MAD1L1: variants seen among roughly 807,000 people sequenced by gnomAD.
MAD1L1 encodes mitotic spindle assembly checkpoint protein MAD1.
Under a neutral mutation model 96.9 loss-of-function variants are expected in MAD1L1, and 95 were observed. That is an observed-to-expected ratio of 0.98 (90% CI 0.83 to 1.16). MAD1L1 has a LOEUF of 1.16. MAD1L1 is among the 50% of genes most tolerant of loss of function. The probability of loss-of-function intolerance (pLI) is 0.00; values close to 1 mark genes in which losing one functional copy is unlikely to be tolerated. For synonymous variants in MAD1L1, 473 were observed against 396.6 expected, an observed-to-expected ratio of 1.19 and a Z score of -2.29; for missense variants, 1,007 against 954.4, an observed-to-expected ratio of 1.06 and a Z score of -0.73.
intron 11 of MAD1L1, among the ~76,000 whole-genome samples, chr7:2,075,438 G>A (rs1189133655): frequency 3.3e-5 from 5 of 152,150 alleles, no homozygotes; most frequent in African/African-American, 9.7e-5. Context: ...GTTCAATCCC[G>A]GCCTTTCTTC....
In MAD1L1 at chr7:1,939,819, C is replaced by G. The variant is rs529311124; in HGVS notation, c.1597-2922G>C. Among the ~76,000 whole-genome samples the G allele has an allele frequency of 2.4e-4, 36 of 148,606 alleles. No individual in the cohort carries two copies. The South Asian group carries it at 7.6e-3, about 32-fold the overall frequency. ...TGCTGTGGGCCACTGCTCTCCAAGT[C>G]CCCGAAGGACGGCGAGGCCTGGCTT... On this transcript the variant is annotated intron_variant, in intron 16 of 18. Transcript: ENST00000265854.
At chr7:1,825,395 G>A (rs1229558094) in intron 18 of MAD1L1, among the ~76,000 whole-genome samples, 3 of 152,246 alleles carry the variant, frequency 2.0e-5, no homozygotes, top group South Asian at 2.1e-4. Context: ...CTTGGCTGGT[G>A]GCACCACAGA....
chr7:2,144,715 G>C (rs1272332097), intron 11 of MAD1L1, among the ~76,000 whole-genome samples: 2 of 151,986 alleles, frequency 1.3e-5, no homozygotes, highest in African/African-American at 4.8e-5. Flanking sequence ...GCAGCCCCGG[G>C]GTGCCCTGTG....
intron 18 of MAD1L1, among the ~76,000 whole-genome samples, chr7:1,881,966 G>A (rs1286549741): frequency 1.3e-5 from 2 of 152,198 alleles, no homozygotes; most frequent in Non-Finnish European, 2.9e-5. Flanking sequence ...TGAGCCACAG[G>A]CTTGCCCGTG....
intron 11 of MAD1L1, among the ~76,000 whole-genome samples, chr7:2,071,132 G>T (rs553281832): frequency 2.0e-5 from 3 of 151,840 alleles, no homozygotes; most frequent in African/African-American, 7.2e-5. Context: ...CGGGGCTGGG[G>T]GGATGGCACT....
intron 16 of MAD1L1, among the ~76,000 whole-genome samples, chr7:1,955,343 T>G (rs1779679850): frequency 1.3e-5 from 2 of 152,126 alleles, no homozygotes; most frequent in African/African-American, 2.4e-5. Flanking sequence ...CAGGCTGGAG[T>G]GCAGTGGCGT....
At chr7:2,038,598 C>T (rs1184735447) in intron 12 of MAD1L1, among the ~76,000 whole-genome samples, 11 of 149,062 alleles carry the variant, frequency 7.4e-5, no homozygotes, top group African/African-American at 2.7e-4. Flanking sequence ...CTGCAACCTC[C>T]GCCTTCTGGG....
At chr7:2,197,905 GC>G (rs1419043349) in intron 10 of MAD1L1, among the ~76,000 whole-genome samples, 1 of 151,472 alleles carries the variant, frequency 6.6e-6, no homozygotes, top group Non-Finnish European at 1.5e-5. Context: ...CCGGGTCCCA[GC>G]CCCCAGGTCC....
At chr7:2,149,310 G>C in intron 10 of MAD1L1, 72 bp from the exon 11 acceptor site, 1 of 1,293,696 alleles carries the variant, frequency 7.7e-7, no homozygotes, top group Non-Finnish European at 1.1e-6. Flanking sequence ...ACACAAAACA[G>C]AAGGCCAAAA....
Position 1,834,771 on chromosome 7 carries a change from G to A in MAD1L1, c.1999-18543C>T, listed in dbSNP as rs563876428. Among the ~76,000 whole-genome samples the A allele has an allele frequency of 1.2e-3, 181 of 152,074 alleles. 2 individuals carry two copies. The highest frequency in any genetic ancestry group is 4.0e-3 in the African/African-American group (167 of 41,466). Reference sequence around the variant, plus strand: ...CAAGAATTCTACATGAACTCTTTAAGAAAACTGAAGAGGAGGAATGCTTTC... The same window carrying A: ...CAAGAATTCTACATGAACTCTTTAAAAAAACTGAAGAGGAGGAATGCTTTC... On this transcript the variant is annotated intron_variant, in intron 18 of 18. Coordinates refer to ENST00000265854, the MANE Select transcript of MAD1L1 (RefSeq NM_001013836.2).
intron 12 of MAD1L1, among the ~76,000 whole-genome samples, chr7:2,036,507 C>T (rs888645140): frequency 6.6e-6 from 1 of 152,180 alleles, no homozygotes; most frequent in Non-Finnish European, 1.5e-5. Context: ...TCCATCCGGT[C>T]GTGAGTTTGG....
intron 18 of MAD1L1, chr7:1,847,803 C>T (rs1344313910): frequency 9.5e-6 from 4 of 422,892 alleles, no homozygotes; most frequent in Admixed American, 7.5e-5. Context: ...CTGCCTAGCA[C>T]CCCTTGGCCG....
At chr7:2,176,671 G>GAA (rs1790962177) in intron 10 of MAD1L1, among the ~76,000 whole-genome samples, 1 of 151,502 alleles carries the variant, frequency 6.6e-6, no homozygotes, top group South Asian at 2.1e-4. Flanking sequence ...CTATACACGA[G>GAA]AATCCAGCAA....
intron 18 of MAD1L1, among the ~76,000 whole-genome samples, chr7:1,842,343 C>A (rs951059508): frequency 4.6e-5 from 7 of 152,252 alleles, no homozygotes; most frequent in Non-Finnish European, 1.0e-4. Flanking sequence ...CCCAGCAGCT[C>A]CCTGCGGCTC....
At chr7:2,155,989 C>T (rs1789814709) in intron 10 of MAD1L1, among the ~76,000 whole-genome samples, 1 of 152,230 alleles carries the variant, frequency 6.6e-6, no homozygotes, top group African/African-American at 2.4e-5. Context: ...ACATTGAGCA[C>T]TGAACACCCA....
intron 12 of MAD1L1, among the ~76,000 whole-genome samples, chr7:2,046,309 C>G (rs1783917764): frequency 6.6e-6 from 1 of 152,094 alleles, no homozygotes; most frequent in African/African-American, 2.4e-5. Flanking sequence ...CACAGAAATA[C>G]AAGACCCCTT....
chr7:2,189,164 A>C (rs562561727), intron 10 of MAD1L1, among the ~76,000 whole-genome samples: 21 of 152,330 alleles, frequency 1.4e-4, no homozygotes, highest in Admixed American at 3.3e-4. Context: ...CCACCAAAAA[A>C]AAAATCACAT....
At chr7:1,969,277 G>A (rs1344920227) in intron 15 of MAD1L1, among the ~76,000 whole-genome samples, 7 of 152,130 alleles carry the variant, frequency 4.6e-5, no homozygotes, top group Admixed American at 2.0e-4. Flanking sequence ...ACAGCTACTC[G>A]GGAGGCTGAG....
intron 11 of MAD1L1, among the ~76,000 whole-genome samples, chr7:2,116,885 T>C (rs866863676): frequency 6.6e-6 from 1 of 152,170 alleles, no homozygotes; most frequent in Non-Finnish European, 1.5e-5. Flanking sequence ...TCCTGAAGTG[T>C]GCCCTTGGTA....
Sources: allele counts gnomAD v4.1 joint callset (sites outside exome capture counted in the v4.1 genomes callset), GRCh38; gene constraint gnomAD v4.1.1; transcripts MANE v1.5; gene names NCBI Gene and HGNC (gene_info 2026-07-23, HGNC 2026-07-21).